The following CPED1 variants were observed in gnomAD, a reference collection of about 807,000 sequenced individuals.
The protein encoded by CPED1 is cadherin like and PC-esterase domain containing 1.
In CPED1, 114 loss-of-function variants were observed where a neutral mutation model predicts 128.2. The ratio of observed to expected loss-of-function variants is 0.89; its 90% CI spans 0.76 to 1.04. The LOEUF is 1.04. Ranked by LOEUF, CPED1 falls within the 50% of genes least tolerant of loss-of-function variation. The pLI is 0.00. For missense variants in CPED1, 1,211 were observed against 1,207.1 expected, an observed-to-expected ratio of 1.00 and a Z score of -0.05; for synonymous variants, 462 against 426.7, an observed-to-expected ratio of 1.08 and a Z score of -1.02.
chr7:121,154,260 CTCTT>C (rs1482524091), intron 16 of CPED1, among the ~76,000 whole-genome samples: 1 of 152,146 alleles, frequency 6.6e-6, no homozygotes, highest in Non-Finnish European at 1.5e-5. Context: ...AAAGGGATCT[CTCTT>C]TCTAATTTGG....
chr7:121,140,968 CTAAG>C lies in CPED1; in HGVS notation c.1843_1846del (p.Lys615ValfsTer22). ...ACAGTGACAATTGGAGTGGAAACTC[CTAAG>C]TGTCTGTGCAAGGTGCACCTGTACG... On this transcript the variant is annotated frameshift_variant, in exon 15 of 23. Transcript: ENST00000310396. LOFTEE classifies it high-confidence loss of function. 6.2e-7 allele frequency: 1 copy of C among 1,612,490 alleles called. No individual in the cohort carries two copies. Among genetic ancestry groups the C allele is most frequent in the South Asian group, 1.1e-5 (1 of 91,002 alleles).
intron 16 of CPED1, among the ~76,000 whole-genome samples, chr7:121,221,228 T>C (rs1451677788): frequency 1.3e-5 from 2 of 152,146 alleles, no homozygotes; most frequent in African/African-American, 4.8e-5. Context: ...GTTTTCTGTC[T>C]TTGTGATAGT....
intron 13 of CPED1, among the ~76,000 whole-genome samples, chr7:121,135,827 T>G (rs1028809330): frequency 6.6e-6 from 1 of 152,156 alleles, no homozygotes; most frequent in Admixed American, 6.6e-5. Context: ...ATTTTCTCTC[T>G]TAATATTTTT....
chr7:121,081,840 T>C (rs758965635), intron 5 of CPED1, among the ~76,000 whole-genome samples: 1 of 152,172 alleles, frequency 6.6e-6, no homozygotes, highest in Admixed American at 6.5e-5. Flanking sequence ...GGAGAGAACA[T>C]TAATTTGTTG....
intron 16 of CPED1, among the ~76,000 whole-genome samples, chr7:121,184,707 C>CA (rs1278465537): frequency 1.3e-5 from 2 of 151,518 alleles, no homozygotes; most frequent in African/African-American, 2.4e-5. Flanking sequence ...GGTGAGTGAA[C>CA]AAAAAAAATC....
intron 2 of CPED1, among the ~76,000 whole-genome samples, chr7:121,001,677 C>T (rs6949989): frequency 0.47 from 71,450 of 151,804 alleles, 17,916 homozygotes; most frequent in South Asian, 0.65. Context: ...CAGATCCTGC[C>T]GTGACCCATT....
chr7:121,058,518 G>A (rs943263748), intron 4 of CPED1, among the ~76,000 whole-genome samples: 1 of 152,164 alleles, frequency 6.6e-6, no homozygotes, highest in Non-Finnish European at 1.5e-5. Context: ...GTGCTTACAT[G>A]TTTATTTATG....
intron 21 of CPED1, 23 bp from the exon 22 acceptor site, chr7:121,271,260 CT>C: frequency 6.3e-7 from 1 of 1,577,716 alleles, no homozygotes; most frequent in Non-Finnish European, 8.6e-7. Context: ...AATAAAAATT[CT>C]CATTCTTCTG....
intron 18 of CPED1, among the ~76,000 whole-genome samples, chr7:121,258,295 T>C (rs1173564974): frequency 1.3e-5 from 2 of 152,104 alleles, no homozygotes; most frequent in African/African-American, 2.4e-5. Context: ...GGAGCACATA[T>C]ATGATCCTTC....
chr7:121,078,565 T>G (rs1273473833), intron 5 of CPED1, among the ~76,000 whole-genome samples: 7 of 151,634 alleles, frequency 4.6e-5, no homozygotes, highest in Non-Finnish European at 2.9e-5. Context: ...CTCTGACCAT[T>G]TTATGCTTGA....
intron 20 of CPED1, 26 bp downstream of exon 20, chr7:121,266,834 A>T: frequency 6.5e-7 from 1 of 1,528,136 alleles, no homozygotes; most frequent in Non-Finnish European, 9.1e-7. Context: ...AATAATTGTC[A>T]TTAGTATTCT....
intron 3 of CPED1, among the ~76,000 whole-genome samples, chr7:121,017,268 A>T (rs1792326817): frequency 6.6e-6 from 1 of 152,158 alleles, no homozygotes; most frequent in South Asian, 2.1e-4. Flanking sequence ...GGAGCAAATG[A>T]GGAAAAGAAA....
At chr7:121,094,265 C>A (rs1302407232) in intron 5 of CPED1, among the ~76,000 whole-genome samples, 3 of 152,196 alleles carry the variant, frequency 2.0e-5, no homozygotes, top group East Asian at 3.9e-4. Context: ...AGACAATATT[C>A]AAACATCTGT....
At chr7:121,096,757 T>G (rs951068618) in intron 5 of CPED1, among the ~76,000 whole-genome samples, 2 of 152,146 alleles carry the variant, frequency 1.3e-5, no homozygotes, top group Non-Finnish European at 2.9e-5. Flanking sequence ...TTAAGAGGTA[T>G]GTATGAAATA....
At chr7:121,014,549 C>CAAAAA (rs34128129) in intron 2 of CPED1, among the ~76,000 whole-genome samples, 5 of 117,180 alleles carry the variant, frequency 4.3e-5, no homozygotes, top group Admixed American at 9.1e-5. Flanking sequence ...GACTTTGTCT[C>CAAAAA]AAAAAAAAAA....
intron 4 of CPED1, among the ~76,000 whole-genome samples, chr7:121,055,390 G>A (rs1022291499): frequency 1.3e-5 from 2 of 151,836 alleles, no homozygotes; most frequent in African/African-American, 2.4e-5. Context: ...CCTGCCTTCA[G>A]GGTTACTTTA....
At chr7:121,069,322 A>G (rs1251292278) in intron 5 of CPED1, among the ~76,000 whole-genome samples, 3 of 152,132 alleles carry the variant, frequency 2.0e-5, no homozygotes, top group Non-Finnish European at 4.4e-5. Context: ...TAAAAATACA[A>G]AGTTTGGCAA....
intron 16 of CPED1, among the ~76,000 whole-genome samples, chr7:121,186,276 A>G (rs1019325647): frequency 1.3e-5 from 2 of 152,158 alleles, no homozygotes; most frequent in Non-Finnish European, 2.9e-5. Context: ...ATACTTGCAA[A>G]TTACCTAAAC....
chr7:121,201,265 C>A (rs1563063513), intron 16 of CPED1, among the ~76,000 whole-genome samples: 1 of 152,124 alleles, frequency 6.6e-6, no homozygotes, highest in East Asian at 1.9e-4. Context: ...ACACCCCGCT[C>A]CACCAAAAAT....
Sources: gnomAD v4.1 joint callset for allele counts (sites outside exome capture counted in the v4.1 genomes callset) on GRCh38, gnomAD v4.1.1 for gene constraint, MANE v1.5 for transcripts, NCBI Gene and HGNC (gene_info 2026-07-23, HGNC 2026-07-21) for gene names.